CDH18: variants seen among roughly 807,000 people sequenced by gnomAD.
CDH18 encodes cadherin 18.
Under a neutral mutation model 67.9 loss-of-function variants are expected in CDH18, and 31 were observed. The observed-to-expected ratio is 0.46, with a 90% CI of 0.34 to 0.62. The LOEUF (loss-of-function observed/expected upper bound fraction) is 0.62. Ranked by LOEUF, CDH18 falls within the 20% of genes least tolerant of loss-of-function variation. The pLI is 0.01. For synonymous variants in CDH18, 362 were observed against 347.2 expected (o/e 1.04, Z -0.48); for missense variants, 890 against 975.5 (o/e 0.91, Z 1.17).
rs1023934277 is a variant in CDH18, at chr5:19,850,120, CATAG to C, written c.-256-10882_-256-10879del. On this transcript the variant is annotated intron_variant, in intron 2 of 12. Coordinates refer to ENST00000382275, the MANE Select transcript of CDH18 (RefSeq NM_004934.5). ...ATGAATATGACAACAGTATTTAAGT[CATAG>C]ATAGAATTATATGAAGTGAAAGAAG... Among the ~76,000 whole-genome samples the C allele has an allele frequency of 5.3e-5, 8 of 151,580 alleles. No homozygotes were observed. In the South Asian group the frequency reaches 6.2e-4, roughly 12 times the overall value.
intron 1 of CDH18, among the ~76,000 whole-genome samples, chr5:20,361,015 T>C (rs1370055549): frequency 1.3e-5 from 2 of 152,020 alleles, no homozygotes; most frequent in African/African-American, 4.8e-5. Flanking sequence ...CCAAGAGACT[T>C]TGAAGTATAC....
At chr5:20,179,265 T>C (rs1737492662) in intron 2 of CDH18, among the ~76,000 whole-genome samples, 1 of 152,166 alleles carries the variant, frequency 6.6e-6, no homozygotes, top group African/African-American at 2.4e-5. Flanking sequence ...AGAAAAATTT[T>C]ATTACCTCAC....
chr5:19,711,829 G>T (rs1159501032), intron 5 of CDH18, among the ~76,000 whole-genome samples: 1 of 151,874 alleles, frequency 6.6e-6, no homozygotes, highest in Non-Finnish European at 1.5e-5. Context: ...ACTACCCAAA[G>T]AAAATGAAAT....
At chr5:20,199,317 C>A (rs1161151013) in intron 2 of CDH18, among the ~76,000 whole-genome samples, 2 of 152,176 alleles carry the variant, frequency 1.3e-5, no homozygotes, top group Admixed American at 1.3e-4. Flanking sequence ...CTTGCATCAA[C>A]GTGACCTGGA....
chr5:20,146,486 CTTGT>C (rs532544728), intron 2 of CDH18, among the ~76,000 whole-genome samples: 20 of 151,968 alleles, frequency 1.3e-4, no homozygotes, highest in Non-Finnish European at 2.8e-4. Context: ...TACTTATCCA[CTTGT>C]TTATCTTTAT....
intron 1 of CDH18, among the ~76,000 whole-genome samples, chr5:20,406,687 G>C (rs113587780): frequency 0.011 from 1,610 of 152,172 alleles, 32 homozygotes; most frequent in African/African-American, 0.037. Flanking sequence ...ATGTTATGTA[G>C]ACATGTGCTG....
intron 2 of CDH18, among the ~76,000 whole-genome samples, chr5:19,897,619 T>G (rs1336717421): frequency 6.6e-6 from 1 of 152,072 alleles, no homozygotes. Context: ...CACATACACG[T>G]ATACCTAGAG....
chr5:20,305,582 T>G, intron 1 of CDH18: 1 of 495,038 alleles, frequency 2.0e-6, no homozygotes, highest in Non-Finnish European at 3.7e-6. Flanking sequence ...CTTCCGGTCC[T>G]GCGCTGCGGG....
chr5:20,429,639 C>A lies in CDH18; in HGVS notation c.-580+145823G>T, dbSNP rs188194357. ...TGATGAAGATTGTATATTTTTCTAA[C>A]AGCATGATGTGCTGAAGAAAGGAAG... On this transcript the variant is annotated intron_variant, in intron 1 of 14. Transcript: ENST00000507958. 9.9e-4 allele frequency among the ~76,000 whole-genome samples: 150 copies of A among 152,236 alleles called. 1 individual carries two copies. In the East Asian group the frequency reaches 0.024, roughly 24 times the overall value.
chr5:19,908,895 C>T (rs1197065711), intron 2 of CDH18, among the ~76,000 whole-genome samples: 1 of 152,130 alleles, frequency 6.6e-6, no homozygotes, highest in African/African-American at 2.4e-5. Flanking sequence ...TTTATTAGGA[C>T]ATTTACACTA....
chr5:19,605,880 A>G (rs970213672), intron 6 of CDH18, among the ~76,000 whole-genome samples: 3 of 152,132 alleles, frequency 2.0e-5, no homozygotes, highest in Non-Finnish European at 4.4e-5. Context: ...AGCACAGAGA[A>G]GAAGAAACCT....
intron 1 of CDH18, among the ~76,000 whole-genome samples, chr5:20,543,150 T>C (rs1757147575): frequency 3.3e-5 from 5 of 151,992 alleles, no homozygotes; most frequent in Admixed American, 3.3e-4. Flanking sequence ...GGAATAACAA[T>C]TTACATATCA....
At chr5:19,627,287 A>G (rs567355603) in intron 5 of CDH18, among the ~76,000 whole-genome samples, 40 of 152,368 alleles carry the variant, frequency 2.6e-4, no homozygotes, top group Admixed American at 2.3e-3. Context: ...AATGATTTTT[A>G]GCTTAGCAAA....
intron 3 of CDH18, among the ~76,000 whole-genome samples, chr5:19,761,504 A>T (rs2149705712): frequency 6.6e-6 from 1 of 152,276 alleles, no homozygotes; most frequent in African/African-American, 2.4e-5. Flanking sequence ...ATACTATTAG[A>T]AGTAGAGTCC....
chr5:19,631,245 G>T (rs941505061), intron 5 of CDH18, among the ~76,000 whole-genome samples: 3 of 151,934 alleles, frequency 2.0e-5, no homozygotes, highest in Admixed American at 6.6e-5. Context: ...ATGAATAATT[G>T]AGAAGATGTA....
chr5:19,868,909 G>C lies in CDH18; in HGVS notation c.-256-29667C>G, dbSNP rs149172290. 5.8e-4 allele frequency among the ~76,000 whole-genome samples: 88 copies of C among 152,208 alleles called. 1 individual carries two copies. Among genetic ancestry groups the C allele is most frequent in the Non-Finnish European group, 8.4e-4 (57 of 68,012 alleles). ...AGCAAGGATGGGCTAAGGAAAAATA[G>C]ACTTATTTGATTTTTGAGCTTGATA... On this transcript the variant is annotated intron_variant, in intron 2 of 12. Coordinates refer to ENST00000382275, the MANE Select transcript of CDH18 (RefSeq NM_004934.5).
intron 5 of CDH18, among the ~76,000 whole-genome samples, chr5:19,670,163 A>C (rs939615404): frequency 1.3e-5 from 2 of 152,156 alleles, no homozygotes; most frequent in African/African-American, 4.8e-5. Flanking sequence ...CAGGAAAGGA[A>C]AAAATAAGGC....
At chr5:19,501,874 A>G (rs534517962) in intron 11 of CDH18, among the ~76,000 whole-genome samples, 1 of 152,302 alleles carries the variant, frequency 6.6e-6, no homozygotes, top group South Asian at 2.1e-4. Flanking sequence ...TTGAATTATA[A>G]GACAGCCTGT....
chr5:19,483,849 G>T (rs1739913464), intron 11 of CDH18, among the ~76,000 whole-genome samples: 1 of 152,200 alleles, frequency 6.6e-6, no homozygotes. Flanking sequence ...GATTTAAAGG[G>T]ATGCGGACGG....
Sources: allele counts gnomAD v4.1 joint callset (sites outside exome capture counted in the v4.1 genomes callset), GRCh38; gene constraint gnomAD v4.1.1; transcripts MANE v1.5; gene names NCBI Gene and HGNC (gene_info 2026-07-23, HGNC 2026-07-21).